Variants in DCAF6 observed in about 807,000 individuals in gnomAD.
The protein encoded by DCAF6 is DDB1- and CUL4-associated factor 6.
Under a neutral mutation model 125.1 loss-of-function variants are expected in DCAF6, and 54 were observed. The observed-to-expected ratio is 0.43, with a 90% CI of 0.35 to 0.54. The LOEUF is 0.54. Among genes scored for constraint, DCAF6 ranks in the 20% least tolerant of loss-of-function variants. The probability of loss-of-function intolerance (pLI) is 0.01; values close to 1 mark genes in which losing one functional copy is unlikely to be tolerated. For missense variants in DCAF6, 934 were observed against 1,161.7 expected (o/e 0.80, Z 2.85); for synonymous variants, 371 against 390.4 (o/e 0.95, Z 0.58).
At chr1:167,981,399 C>G (rs756762795) in intron 4 of DCAF6, among the ~76,000 whole-genome samples, 2 of 151,982 alleles carry the variant, frequency 1.3e-5, no homozygotes, top group South Asian at 2.1e-4. Flanking sequence ...ATTTTAGATT[C>G]GAGGGGTACA....
At chr1:167,945,337 T>A (rs1672897092) in intron 1 of DCAF6, among the ~76,000 whole-genome samples, 1 of 152,190 alleles carries the variant, frequency 6.6e-6, no homozygotes, top group Non-Finnish European at 1.5e-5. Context: ...AATGATATTC[T>A]TCTGAATATC....
intron 21 of DCAF6, among the ~76,000 whole-genome samples, chr1:168,073,325 C>T (rs1693377054): frequency 6.6e-6 from 1 of 152,350 alleles, no homozygotes; most frequent in South Asian, 2.1e-4. Context: ...TGCAGCCTTA[C>T]TACTTCAGTA....
chr1:167,904,787 G>T, the DCAF6 span: 1 of 661,316 alleles, frequency 1.5e-6, no homozygotes, highest in South Asian at 1.8e-5. Flanking sequence ...ATATGCCTAT[G>T]ACTGGCAGTC....
At chr1:167,969,917 C>A (rs1167339533) in intron 3 of DCAF6, among the ~76,000 whole-genome samples, 2 of 152,176 alleles carry the variant, frequency 1.3e-5, no homozygotes, top group Non-Finnish European at 2.9e-5. Context: ...GCTGAGGCTA[C>A]AAGTGTGTGC....
intron 4 of DCAF6, among the ~76,000 whole-genome samples, chr1:167,980,381 T>G (rs1481577999): frequency 6.7e-6 from 1 of 148,862 alleles, no homozygotes; most frequent in Non-Finnish European, 1.5e-5. Flanking sequence ...ATTTTTAAGT[T>G]TTTGAGGACC....
Position 168,063,634 on chromosome 1 carries a change from G to A in DCAF6, c.2314G>A (p.Ala772Thr). The change falls in exon 18 of 22, where the codon GCC becomes ACC. Residue 772 changes from alanine (A) to threonine (T), a missense_variant. Physicochemically the swap from Ala to Thr is moderately conservative, Grantham distance 58 (BLOSUM62 0). This residue lies in a region of DCAF6 where 559 missense variants were observed against 635.5 expected (regional missense o/e 0.88). Coordinates refer to ENST00000367840, the MANE Select transcript of DCAF6 (RefSeq NM_001198956.2). Reference sequence around the variant, plus strand: ...TAATTCATATAGACGCTCTGCTGTTGCCCGTATTCAGGAGTTCTTCAGACG... The same window carrying A: ...TAATTCATATAGACGCTCTGCTGTTACCCGTATTCAGGAGTTCTTCAGACG... The part of the protein sequence containing the change: ...GDRIMRRSAV[A>T]RIQEFFRRRK... The A allele has an allele frequency of 1.3e-6, 2 of 1,584,576 alleles. No individual in the cohort carries two copies. The highest frequency in any genetic ancestry group is 8.6e-7 in the Non-Finnish European group (1 of 1,167,970).
At chr1:167,895,855 G>A in the DCAF6 span, among the ~76,000 whole-genome samples, 1 of 152,064 alleles carries the variant, frequency 6.6e-6, no homozygotes, top group Non-Finnish European at 1.5e-5. Context: ...AAGACTAGAA[G>A]GTCAAAGACA....
chr1:167,944,835 G>T (rs1253555868), intron 1 of DCAF6, among the ~76,000 whole-genome samples: 1 of 152,070 alleles, frequency 6.6e-6, no homozygotes, highest in African/African-American at 2.4e-5. Flanking sequence ...CTGTTTTCTA[G>T]TATCTTTATA....
intron 4 of DCAF6, among the ~76,000 whole-genome samples, 180 bp from the exon 5 acceptor site, chr1:167,987,315 T>G (rs1356082604): frequency 6.6e-6 from 1 of 152,214 alleles, no homozygotes; most frequent in East Asian, 1.9e-4. Flanking sequence ...CAATTACTTC[T>G]TATCTATTTC....
the DCAF6 span, among the ~76,000 whole-genome samples, chr1:167,929,346 C>T: frequency 0.015 from 2,316 of 151,280 alleles, 54 homozygotes; most frequent in African/African-American, 0.052. Flanking sequence ...GCAATAAGAG[C>T]GAAACTCCGT....
At chr1:168,051,809 G>A (rs1403274814) in intron 17 of DCAF6, among the ~76,000 whole-genome samples, 1 of 150,636 alleles carries the variant, frequency 6.6e-6, no homozygotes, top group African/African-American at 2.4e-5. Flanking sequence ...TTGTGCTGTT[G>A]TTTCTAGCCT....
intron 4 of DCAF6, among the ~76,000 whole-genome samples, chr1:167,983,990 C>T (rs565550723): frequency 3.3e-5 from 5 of 152,094 alleles, no homozygotes; most frequent in Admixed American, 3.3e-4. Flanking sequence ...ACAGTGGCTG[C>T]GAAGTTACTG....
chr1:167,896,651 T>C, the DCAF6 span: 4 of 1,613,630 alleles, frequency 2.5e-6, no homozygotes, highest in South Asian at 3.3e-5. Flanking sequence ...TGTGAAAAAT[T>C]CATCAAAATT....
chr1:167,902,275 T>G, the DCAF6 span, among the ~76,000 whole-genome samples: 1 of 152,134 alleles, frequency 6.6e-6, no homozygotes, highest in South Asian at 2.1e-4. Context: ...TATGCTCCAT[T>G]TCTGTGAATG....
the DCAF6 span, among the ~76,000 whole-genome samples, chr1:167,868,582 C>T: frequency 6.6e-6 from 1 of 152,172 alleles, no homozygotes; most frequent in African/African-American, 2.4e-5. Context: ...CTAGGCTATA[C>T]TGGATACGTG....
intron 10 of DCAF6, among the ~76,000 whole-genome samples, chr1:168,006,221 T>TA (rs1683318328): frequency 6.6e-6 from 1 of 152,184 alleles, no homozygotes; most frequent in Admixed American, 6.5e-5. Flanking sequence ...TTCAAATTGC[T>TA]AAATTCCTTT....
chr1:167,984,893 A>G (rs1232287697), intron 4 of DCAF6, among the ~76,000 whole-genome samples: 2 of 152,176 alleles, frequency 1.3e-5, no homozygotes, highest in Non-Finnish European at 2.9e-5. Context: ...GGCAGTTTAC[A>G]AAAGAAAGAG....
chr1:168,038,305 T>G, intron 12 of DCAF6, 66 bp from the exon 13 acceptor site: 1 of 1,182,734 alleles, frequency 8.5e-7, no homozygotes, highest in Non-Finnish European at 1.2e-6. Flanking sequence ...TTTTATAAAT[T>G]TTAGGAAATG....
chr1:167,911,662 T>C, the DCAF6 span, among the ~76,000 whole-genome samples: 36 of 152,328 alleles, frequency 2.4e-4, no homozygotes, highest in Admixed American at 7.2e-4. Context: ...CAGTGTACTC[T>C]CGTGGCAAAA....
Sources: gnomAD v4.1 joint callset for allele counts (sites outside exome capture counted in the v4.1 genomes callset) on GRCh38, gnomAD v4.1.1 for gene constraint, gnomAD v4.1.1 regional missense constraint, MANE v1.5 for transcripts, NCBI Gene and HGNC (gene_info 2026-07-23, HGNC 2026-07-21) for gene names.